The following SV2C variants were observed in gnomAD, a reference collection of about 807,000 sequenced individuals.
The protein encoded by SV2C is solute carrier family 22 member B3.
SV2C carries 49 observed loss-of-function variants against 79.7 expected under a neutral mutation model. The observed-to-expected ratio is 0.61, with a 90% CI of 0.49 to 0.78. The LOEUF is 0.78. Among genes scored for constraint, SV2C ranks in the 30% least tolerant of loss-of-function variants. The pLI is 0.00. For synonymous variants in SV2C, 334 were observed against 333.2 expected, an observed-to-expected ratio of 1.00 and a Z score of -0.03; for missense variants, 833 against 912.9, an observed-to-expected ratio of 0.91 and a Z score of 1.13.
chr5:76,144,849 T>C (rs1749369954), intron 2 of SV2C, among the ~76,000 whole-genome samples: 1 of 152,222 alleles, frequency 6.6e-6, no homozygotes, highest in South Asian at 2.1e-4. Context: ...TTTGTTTTTT[T>C]AGCAAATCAT....
the SV2C span, among the ~76,000 whole-genome samples, chr5:76,007,082 C>T: frequency 6.6e-5 from 10 of 152,050 alleles, no homozygotes; most frequent in African/African-American, 1.7e-4. Flanking sequence ...ATAGTTTCCC[C>T]GAGGAGAATT....
At position 76,169,980 on chromosome 5, in the gene SV2C, T is replaced by TAATA. The variant is rs36171818; in HGVS notation, c.581-24921_581-24918dup. The stretch of plus-strand genomic sequence containing the variant: ...ATACAAGAAAGATATTGGTAAAAAA[T>TAATA]AATAAATAAATAAATAAATAACAAT... On this transcript the variant is annotated intron_variant, in intron 2 of 12. Transcript: ENST00000502798. 2.3e-3 allele frequency among the ~76,000 whole-genome samples: 346 copies of TAATA among 151,942 alleles called. 13 individuals are homozygous for TAATA. The East Asian group carries it at 0.061, about 27-fold the overall frequency.
the SV2C span, among the ~76,000 whole-genome samples, chr5:75,967,795 T>A: frequency 2.0e-5 from 3 of 152,294 alleles, no homozygotes; most frequent in East Asian, 5.8e-4. Flanking sequence ...GACTTAAATG[T>A]CCCTGTCTGA....
chr5:76,307,904 C>T (rs994970748), intron 12 of SV2C, among the ~76,000 whole-genome samples: 10 of 151,960 alleles, frequency 6.6e-5, no homozygotes, highest in African/African-American at 1.2e-4. Context: ...CCATTTTTGC[C>T]GTGATGCTTT....
chr5:76,083,685 G>C (rs1747071696), intron 1 of SV2C, among the ~76,000 whole-genome samples, 173 bp downstream of exon 1: 2 of 152,254 alleles, frequency 1.3e-5, no homozygotes, highest in South Asian at 2.1e-4. Flanking sequence ...CCGCTGCTTT[G>C]TAGGCGCCTT....
chr5:76,301,908 CAAA>C (rs11436839), intron 12 of SV2C, among the ~76,000 whole-genome samples: 2 of 41,406 alleles, frequency 4.8e-5, no homozygotes, highest in East Asian at 8.7e-4. Flanking sequence ...GACACCATCT[CAAA>C]AAAAAAAAAA....
intron 12 of SV2C, chr5:76,353,070 A>G (rs1188944113): frequency 1.3e-5 from 6 of 452,476 alleles, no homozygotes; most frequent in Admixed American, 2.4e-5. Context: ...CCACCCCAGA[A>G]GCTAGGACTA....
chr5:76,231,593 C>G (rs1342224997), intron 4 of SV2C, among the ~76,000 whole-genome samples: 3 of 142,838 alleles, frequency 2.1e-5, no homozygotes, highest in South Asian at 2.1e-4. Flanking sequence ...CCCGCTCCCC[C>G]CACTCCACCA....
chr5:76,114,945 G>GT (rs1331950381), intron 1 of SV2C, among the ~76,000 whole-genome samples: 1 of 152,206 alleles, frequency 6.6e-6, no homozygotes, highest in Non-Finnish European at 1.5e-5. Context: ...CACGTACCAT[G>GT]ATTTGCCTTT....
At chr5:76,007,004 C>T in the SV2C span, among the ~76,000 whole-genome samples, 2 of 152,136 alleles carry the variant, frequency 1.3e-5, no homozygotes, top group African/African-American at 2.4e-5. Context: ...CTCACAACAA[C>T]TTCACAGTGT....
At chr5:76,086,420 G>C (rs1747198383) in intron 1 of SV2C, among the ~76,000 whole-genome samples, 1 of 152,210 alleles carries the variant, frequency 6.6e-6, no homozygotes, top group Admixed American at 6.5e-5. Context: ...TATTACTCCA[G>C]ATGACGGTAG....
chr5:76,297,990 C>T (rs1747835895), intron 9 of SV2C, among the ~76,000 whole-genome samples: 2 of 152,070 alleles, frequency 1.3e-5, no homozygotes, highest in Non-Finnish European at 2.9e-5. Context: ...GCTGGGAGTC[C>T]TTATCAATGC....
At chr5:75,951,347 T>C in the SV2C span, among the ~76,000 whole-genome samples, 112 of 152,156 alleles carry the variant, frequency 7.4e-4, 1 homozygote, top group Admixed American at 1.8e-3. Flanking sequence ...TTCTGGCTGA[T>C]TAAAATGCTC....
At chr5:75,892,220 A>G in the SV2C span, among the ~76,000 whole-genome samples, 1 of 151,892 alleles carries the variant, frequency 6.6e-6, no homozygotes, top group Admixed American at 6.6e-5. Context: ...GCTGTGTTTC[A>G]TGTCACATTA....
intron 2 of SV2C, among the ~76,000 whole-genome samples, chr5:76,159,368 A>ATGTT (rs764015468): frequency 2.0e-5 from 3 of 152,140 alleles, no homozygotes; most frequent in Non-Finnish European, 4.4e-5. Flanking sequence ...ATAATCGTGT[A>ATGTT]TATGGAAAAT....
the SV2C span, among the ~76,000 whole-genome samples, chr5:75,879,726 C>G: frequency 6.6e-6 from 1 of 152,166 alleles, no homozygotes; most frequent in Non-Finnish European, 1.5e-5. Context: ...GGGCAGTAGC[C>G]CACTTCCCAT....
the SV2C span, among the ~76,000 whole-genome samples, chr5:76,060,040 G>A: frequency 6.6e-6 from 1 of 152,072 alleles, no homozygotes; most frequent in Non-Finnish European, 1.5e-5. Flanking sequence ...TGAGCAGTAG[G>A]CCTCAACAGT....
the SV2C span, among the ~76,000 whole-genome samples, chr5:75,945,493 T>A: frequency 1.8e-3 from 264 of 150,320 alleles, 2 homozygotes; most frequent in South Asian, 0.026. Flanking sequence ...TATTATTATT[T>A]TTTTTGGTAG....
At chr5:76,242,339 G>C in intron 4 of SV2C, 1 of 1,430,070 alleles carries the variant, frequency 7.0e-7, no homozygotes. Flanking sequence ...CTGGACGCGG[G>C]ACGCAGCGGC....
Sources: gnomAD v4.1 joint callset for allele counts (sites outside exome capture counted in the v4.1 genomes callset) on GRCh38, gnomAD v4.1.1 for gene constraint, MANE v1.5 for transcripts, NCBI Gene and HGNC (gene_info 2026-07-23, HGNC 2026-07-21) for gene names.